QTMAN: variants seen among roughly 807,000 people sequenced by gnomAD.
The protein encoded by QTMAN is queuosine-tRNA mannosyltransferase.
chr2:144,250,980 T>G, the QTMAN span, among the ~76,000 whole-genome samples: 1 of 152,096 alleles, frequency 6.6e-6, no homozygotes, highest in African/African-American at 2.4e-5. Context: ...TTTAAAAATG[T>G]AAAATTTTAA....
the QTMAN span, among the ~76,000 whole-genome samples, chr2:144,161,580 T>C: frequency 6.6e-6 from 1 of 152,040 alleles, no homozygotes; most frequent in Non-Finnish European, 1.5e-5. Flanking sequence ...AACGAAAGAA[T>C]GATTGAGTCC....
At chr2:144,298,104 C>T in the QTMAN span, among the ~76,000 whole-genome samples, 2 of 151,382 alleles carry the variant, frequency 1.3e-5, no homozygotes, top group African/African-American at 2.4e-5. Flanking sequence ...CTTCAAGCTG[C>T]GCCTCCCAGG....
chr2:144,109,200 T>C, the QTMAN span, among the ~76,000 whole-genome samples: 2 of 152,026 alleles, frequency 1.3e-5, no homozygotes, highest in Non-Finnish European at 2.9e-5. Flanking sequence ...AACAGAGAAA[T>C]AGACCAATGT....
At chr2:144,115,312 A>G in the QTMAN span, among the ~76,000 whole-genome samples, 1 of 152,218 alleles carries the variant, frequency 6.6e-6, no homozygotes, top group Non-Finnish European at 1.5e-5. Context: ...GATTCAAAGT[A>G]AGAATGCTCT....
the QTMAN span, among the ~76,000 whole-genome samples, chr2:144,005,024 T>C: frequency 6.6e-6 from 1 of 152,030 alleles, no homozygotes; most frequent in African/African-American, 2.4e-5. Context: ...TTGATATTTT[T>C]TTTATGCTGT....
the QTMAN span, among the ~76,000 whole-genome samples, chr2:143,987,860 C>G: frequency 6.6e-6 from 1 of 152,192 alleles, no homozygotes; most frequent in African/African-American, 2.4e-5. Context: ...TCTCAACACT[C>G]TTCCTAACCC....
the QTMAN span, among the ~76,000 whole-genome samples, chr2:144,281,527 G>A: frequency 6.6e-6 from 1 of 151,960 alleles, no homozygotes; most frequent in Non-Finnish European, 1.5e-5. Context: ...TGGTGTTATG[G>A]GCTGAACTGT....
chr2:143,960,182 C>A, the QTMAN span, among the ~76,000 whole-genome samples: 1 of 152,032 alleles, frequency 6.6e-6, no homozygotes, highest in African/African-American at 2.4e-5. Context: ...GATACAACTG[C>A]CATTATTCTC....
the QTMAN span, among the ~76,000 whole-genome samples, chr2:144,050,781 GCACACA>G: frequency 8.9e-4 from 132 of 149,008 alleles, 1 homozygote; most frequent in Admixed American, 2.2e-3. Context: ...CTTTCAGTCA[GCACACA>G]CACACACACA....
At chr2:144,094,315 T>A in the QTMAN span, among the ~76,000 whole-genome samples, 1 of 152,220 alleles carries the variant, frequency 6.6e-6, no homozygotes, top group African/African-American at 2.4e-5. Flanking sequence ...TGATAATAGG[T>A]TGAAATTTAT....
chr2:144,261,269 T>A, the QTMAN span, among the ~76,000 whole-genome samples: 2 of 152,100 alleles, frequency 1.3e-5, no homozygotes, highest in East Asian at 3.9e-4. Context: ...AAGAATTAAC[T>A]GAATGAATAA....
At chr2:144,092,875 G>GTGTA in the QTMAN span, among the ~76,000 whole-genome samples, 2 of 129,136 alleles carry the variant, frequency 1.5e-5, no homozygotes, top group Non-Finnish European at 3.4e-5. Flanking sequence ...TTTGGGGTGT[G>GTGTA]TGTGTGTGTG....
At chr2:144,015,763 C>G in the QTMAN span, among the ~76,000 whole-genome samples, 1 of 152,182 alleles carries the variant, frequency 6.6e-6, no homozygotes, top group East Asian at 1.9e-4. Flanking sequence ...AGTTACTCCA[C>G]TCAAGCAACA....
chr2:144,015,436 A>T, the QTMAN span, among the ~76,000 whole-genome samples: 1 of 152,042 alleles, frequency 6.6e-6, no homozygotes, highest in Admixed American at 6.6e-5. Flanking sequence ...GTGCCCAGGT[A>T]ACTCCCCATA....
the QTMAN span, among the ~76,000 whole-genome samples, chr2:144,085,237 CA>C: frequency 6.6e-6 from 1 of 152,182 alleles, no homozygotes; most frequent in African/African-American, 2.4e-5. Flanking sequence ...ATGTTATTTA[CA>C]AAAAACAAGT....
At chr2:143,989,734 T>C in the QTMAN span, among the ~76,000 whole-genome samples, 2 of 152,196 alleles carry the variant, frequency 1.3e-5, no homozygotes, top group African/African-American at 2.4e-5. Flanking sequence ...TCTTGAGATT[T>C]GACTAGAAGA....
At chr2:144,175,380 A>C in the QTMAN span, among the ~76,000 whole-genome samples, 1 of 152,152 alleles carries the variant, frequency 6.6e-6, no homozygotes, top group Non-Finnish European at 1.5e-5. Flanking sequence ...TTAGACACAC[A>C]AAAGTCTGCC....
At chr2:144,165,351 A>T in the QTMAN span, among the ~76,000 whole-genome samples, 1 of 152,072 alleles carries the variant, frequency 6.6e-6, no homozygotes, top group African/African-American at 2.4e-5. Flanking sequence ...GCTCCGGGTG[A>T]CAGAGTGAGA....
chr2:144,051,384 A>T, the QTMAN span, among the ~76,000 whole-genome samples: 2 of 151,348 alleles, frequency 1.3e-5, no homozygotes, highest in South Asian at 2.1e-4. Flanking sequence ...TTTTTTTTTT[A>T]AATAAGCCAG....
Sources: allele counts gnomAD v4.1 joint callset (sites outside exome capture counted in the v4.1 genomes callset), GRCh38; gene constraint gnomAD v4.1.1; transcripts MANE v1.5; gene names NCBI Gene and HGNC (gene_info 2026-07-23, HGNC 2026-07-21).